Variants in PTPRT observed in about 807,000 individuals in gnomAD.
PTPRT encodes the protein protein tyrosine phosphatase receptor type T.
In PTPRT, 56 loss-of-function variants were observed where a neutral mutation model predicts 176.8. That is an observed-to-expected ratio of 0.32 (90% CI 0.26 to 0.40). The LOEUF is 0.40. PTPRT is among the 10% of genes least tolerant of loss of function. The pLI is 1.00. For missense variants in PTPRT, 1,540 were observed against 1,908.2 expected, an observed-to-expected ratio of 0.81 and a Z score of 3.60; for synonymous variants, 783 against 739.0, an observed-to-expected ratio of 1.06 and a Z score of -0.96.
At chr20:43,162,985 G>T (rs377712102) in intron 1 of PTPRT, among the ~76,000 whole-genome samples, 70 of 152,312 alleles carry the variant, frequency 4.6e-4, no homozygotes, top group African/African-American at 1.6e-3. Context: ...GGACAGAAAT[G>T]ATCTTTCAGG....
At chr20:42,797,687 A>G (rs73098086) in intron 2 of PTPRT, among the ~76,000 whole-genome samples, 61,797 of 152,004 alleles carry the variant, frequency 0.41, 14,424 homozygotes, top group East Asian at 0.53. Flanking sequence ...AAGGTTATTA[A>G]CCAGATAAGC....
At chr20:42,089,113 T>A (rs895506948) in intron 27 of PTPRT, among the ~76,000 whole-genome samples, 1 of 137,178 alleles carries the variant, frequency 7.3e-6, no homozygotes, top group African/African-American at 3.1e-5. Flanking sequence ...TGTGTGTGAG[T>A]GTGTGTGTGT....
At chr20:42,558,225 G>A (rs2072893582) in intron 7 of PTPRT, among the ~76,000 whole-genome samples, 1 of 151,946 alleles carries the variant, frequency 6.6e-6, no homozygotes, top group Admixed American at 6.6e-5. Flanking sequence ...CCACTTATAA[G>A]TGACAACACA....
intron 1 of PTPRT, among the ~76,000 whole-genome samples, chr20:42,991,389 A>G (rs1041011740): frequency 6.6e-6 from 1 of 152,176 alleles, no homozygotes; most frequent in Non-Finnish European, 1.5e-5. Flanking sequence ...GCAGACACAC[A>G]TAATACATAA....
intron 2 of PTPRT, among the ~76,000 whole-genome samples, chr20:42,810,725 T>A (rs6030483): frequency 0.029 from 4,408 of 152,282 alleles, 214 homozygotes; most frequent in African/African-American, 0.095. Flanking sequence ...CAAGTAACTT[T>A]CCCAGCAACT....
chr20:42,674,417 T>C (rs2075464452), intron 7 of PTPRT, among the ~76,000 whole-genome samples: 2 of 152,344 alleles, frequency 1.3e-5, no homozygotes, highest in Admixed American at 1.3e-4. Flanking sequence ...TGTAAATCTT[T>C]ATTGAGATGA....
At chr20:42,881,642 TTGAACC>T (rs1183497021) in intron 2 of PTPRT, among the ~76,000 whole-genome samples, 1 of 149,222 alleles carries the variant, frequency 6.7e-6, no homozygotes, top group African/African-American at 2.5e-5. Context: ...TGAGAATCAC[TTGAACC>T]TGGGAGGTGG....
intron 7 of PTPRT, among the ~76,000 whole-genome samples, chr20:42,522,751 A>G (rs1425599574): frequency 6.6e-6 from 1 of 152,132 alleles, no homozygotes; most frequent in Non-Finnish European, 1.5e-5. Flanking sequence ...ATGAGCCACC[A>G]TGCCCGGCTT....
chr20:42,197,908 C>G (rs1357797148), intron 16 of PTPRT, among the ~76,000 whole-genome samples: 2 of 152,184 alleles, frequency 1.3e-5, no homozygotes, highest in African/African-American at 4.8e-5. Context: ...GACAGTACAT[C>G]AGTATCTAAG....
At chr20:42,737,549 T>G (rs75990552) in intron 6 of PTPRT, among the ~76,000 whole-genome samples, 10 of 151,900 alleles carry the variant, frequency 6.6e-5, no homozygotes, top group Admixed American at 6.6e-4. Flanking sequence ...GGAGAATGGC[T>G]TGAACCCGGG....
At chr20:42,963,538 T>C (rs542388505) in intron 1 of PTPRT, among the ~76,000 whole-genome samples, 1 of 152,100 alleles carries the variant, frequency 6.6e-6, no homozygotes, top group Non-Finnish European at 1.5e-5. Context: ...TATGAAATTT[T>C]CTTAAAAATT....
At chr20:42,517,736 C>G (rs1409344784) in intron 7 of PTPRT, among the ~76,000 whole-genome samples, 1 of 151,906 alleles carries the variant, frequency 6.6e-6, no homozygotes, top group Admixed American at 6.6e-5. Flanking sequence ...TGTGATTTCT[C>G]CTTTGACTCC....
At chr20:43,127,029 G>A (rs1213857094) in intron 1 of PTPRT, among the ~76,000 whole-genome samples, 1 of 152,268 alleles carries the variant, frequency 6.6e-6, no homozygotes, top group South Asian at 2.1e-4. Flanking sequence ...TGGAAATAAG[G>A]CAAGGGTGAA....
chr20:42,110,529 C>T (rs754082253), intron 22 of PTPRT, 42 bp from the exon 23 acceptor site: 8 of 1,546,334 alleles, frequency 5.2e-6, no homozygotes, highest in Middle Eastern at 3.9e-4. Flanking sequence ...CTGCTGCCCT[C>T]GCATACCCAG....
At chr20:42,047,538 G>A in the PTPRT span, among the ~76,000 whole-genome samples, 1 of 152,158 alleles carries the variant, frequency 6.6e-6, no homozygotes, top group African/African-American at 2.4e-5. Flanking sequence ...GATTCTCTGT[G>A]GATAGATAAT....
chr20:42,827,687 A>G (rs1178927070), intron 2 of PTPRT, among the ~76,000 whole-genome samples: 1 of 152,166 alleles, frequency 6.6e-6, no homozygotes, highest in Non-Finnish European at 1.5e-5. Context: ...GGAGGTAATT[A>G]AATCATGGTG....
chr20:42,580,166 T>C (rs1252608632), intron 7 of PTPRT, among the ~76,000 whole-genome samples: 1 of 152,208 alleles, frequency 6.6e-6, no homozygotes, highest in African/African-American at 2.4e-5. Flanking sequence ...AGGGAATCCT[T>C]TCCCCATTGC....
chr20:42,367,927 T>C (rs2058537013), intron 9 of PTPRT, among the ~76,000 whole-genome samples: 1 of 152,216 alleles, frequency 6.6e-6, no homozygotes, highest in Non-Finnish European at 1.5e-5. Flanking sequence ...GTTGCAGGAC[T>C]GAACTCTTCA....
chr20:43,104,273 AC>A (rs2012509083), intron 1 of PTPRT, among the ~76,000 whole-genome samples: 1 of 152,056 alleles, frequency 6.6e-6, no homozygotes, highest in South Asian at 2.1e-4. Context: ...CCTTAACTTC[AC>A]CATGTTCAAA....
Sources: gnomAD v4.1 joint callset for allele counts (sites outside exome capture counted in the v4.1 genomes callset) on GRCh38, gnomAD v4.1.1 for gene constraint, MANE v1.5 for transcripts, NCBI Gene and HGNC (gene_info 2026-07-23, HGNC 2026-07-21) for gene names.